Variants in HS3ST5 observed in about 807,000 individuals in gnomAD.
HS3ST5 encodes the protein heparan sulfate glucosamine 3-O-sulfotransferase 5.
In HS3ST5, 10 loss-of-function variants were observed where a neutral mutation model predicts 25.4. The observed-to-expected ratio is 0.39, with a 90% CI of 0.24 to 0.67. HS3ST5 has a LOEUF of 0.67. Ranked by LOEUF, HS3ST5 falls within the 30% of genes least tolerant of loss-of-function variation. HS3ST5 has a pLI of 0.44. For synonymous variants in HS3ST5, 170 were observed against 162.4 expected (o/e 1.05, Z -0.36); for missense variants, 324 against 420.7 (o/e 0.77, Z 2.01).
At chr6:114,270,822 AG>A (rs1773605636) in intron 1 of HS3ST5, among the ~76,000 whole-genome samples, 1 of 151,834 alleles carries the variant, frequency 6.6e-6, no homozygotes, top group Non-Finnish European at 1.5e-5. Context: ...AAAAATAAAA[AG>A]GGTTGGGATT....
intron 1 of HS3ST5, among the ~76,000 whole-genome samples, chr6:114,271,957 A>C (rs554236425): frequency 2.0e-5 from 3 of 152,158 alleles, no homozygotes; most frequent in African/African-American, 7.2e-5. Flanking sequence ...TTCTCAATAT[A>C]TTAGCAAAGC....
intron 3 of HS3ST5, among the ~76,000 whole-genome samples, chr6:114,084,002 A>T (rs946015704): frequency 3.3e-5 from 5 of 151,380 alleles, no homozygotes; most frequent in Admixed American, 6.6e-5. Context: ...TTTAATTATT[A>T]TATATTACTT....
At chr6:114,182,874 C>T (rs563705608) in intron 2 of HS3ST5, among the ~76,000 whole-genome samples, 6 of 152,218 alleles carry the variant, frequency 3.9e-5, no homozygotes, top group South Asian at 2.1e-4. Context: ...CTCAGTAAAA[C>T]GGATGGCCCT....
intron 1 of HS3ST5, among the ~76,000 whole-genome samples, chr6:114,304,536 A>C (rs1775212219): frequency 1.3e-5 from 2 of 152,150 alleles, no homozygotes; most frequent in South Asian, 4.1e-4. Context: ...GGATTTGAAT[A>C]GCTGCTTCCA....
intron 1 of HS3ST5, among the ~76,000 whole-genome samples, chr6:114,306,122 T>A (rs1260612805): frequency 3.3e-5 from 5 of 151,776 alleles, no homozygotes; most frequent in Non-Finnish European, 7.4e-5. Flanking sequence ...TAATTATGAC[T>A]ATTAAAAAAT....
At chr6:114,154,818 C>T (rs1422438907) in intron 3 of HS3ST5, among the ~76,000 whole-genome samples, 1 of 152,162 alleles carries the variant, frequency 6.6e-6, no homozygotes, top group Non-Finnish European at 1.5e-5. Flanking sequence ...CTTCCTGTGG[C>T]CTTTGTCAAA....
intron 2 of HS3ST5, among the ~76,000 whole-genome samples, chr6:114,228,061 G>T (rs550679313): frequency 6.6e-6 from 1 of 152,076 alleles, no homozygotes; most frequent in South Asian, 2.1e-4. Context: ...AAAAGCTCAG[G>T]TTTAGCATAA....
intron 2 of HS3ST5, among the ~76,000 whole-genome samples, chr6:114,218,513 T>G (rs1271612409): frequency 1.3e-5 from 2 of 152,182 alleles, no homozygotes; most frequent in Non-Finnish European, 2.9e-5. Context: ...TGTTAAAAAT[T>G]TTGCTTCTTT....
intron 1 of HS3ST5, among the ~76,000 whole-genome samples, chr6:114,293,535 G>A (rs1465570920): frequency 1.8e-4 from 27 of 152,142 alleles, no homozygotes; most frequent in Non-Finnish European, 7.3e-5. Context: ...GACTGTTGTA[G>A]TAAAATGAGT....
In HS3ST5 at chr6:114,187,113, AAGG is replaced by A. The variant is rs573319211; in HGVS notation, c.-144-18654_-144-18652del. Among the ~76,000 whole-genome samples, 4 of 152,326 alleles carry A rather than the reference AAGG, an allele frequency of 2.6e-5. No homozygotes were observed. The South Asian group carries it at 8.3e-4, about 32-fold the overall frequency. On this transcript the variant is annotated intron_variant, in intron 2 of 4. Transcript: ENST00000312719. Reference sequence around the variant, plus strand: ...CCCAAGAGTTCTGATGGTGATATACAAGGAGGTTAATCTTGTTTTCATGCCTGC... The same window carrying A: ...CCCAAGAGTTCTGATGGTGATATACAAGGTTAATCTTGTTTTCATGCCTGC...
intron 3 of HS3ST5, among the ~76,000 whole-genome samples, chr6:114,118,164 A>T (rs1776620465): frequency 6.6e-6 from 1 of 152,150 alleles, no homozygotes; most frequent in Admixed American, 6.5e-5. Context: ...GACCAGATTT[A>T]CCAGTCCTCA....
chr6:114,173,043 T>C (rs1779542506), intron 2 of HS3ST5, among the ~76,000 whole-genome samples: 1 of 152,238 alleles, frequency 6.6e-6, no homozygotes, highest in South Asian at 2.1e-4. Context: ...TGTGTTTGCT[T>C]TGGAATGTTA....
chr6:114,328,415 G>A (rs1776259649), intron 1 of HS3ST5, among the ~76,000 whole-genome samples: 1 of 151,964 alleles, frequency 6.6e-6, no homozygotes, highest in African/African-American at 2.4e-5. Context: ...CAAAAACACT[G>A]ACACACAATC....
chr6:114,295,496 T>G (rs1774778493), intron 1 of HS3ST5, among the ~76,000 whole-genome samples: 2 of 152,280 alleles, frequency 1.3e-5, no homozygotes, highest in Admixed American at 1.3e-4. Flanking sequence ...TAGGTAGAGC[T>G]TCTTCCAAAG....
At chr6:114,314,037 T>C (rs1159229952) in intron 1 of HS3ST5, among the ~76,000 whole-genome samples, 1 of 152,198 alleles carries the variant, frequency 6.6e-6, no homozygotes, top group Admixed American at 6.5e-5. Flanking sequence ...GTGATTCTCA[T>C]GCCTCAGTCT....
intron 3 of HS3ST5, among the ~76,000 whole-genome samples, chr6:114,164,420 T>A (rs1779112014): frequency 6.6e-6 from 1 of 152,168 alleles, no homozygotes; most frequent in South Asian, 2.1e-4. Context: ...CAAAGTCCAA[T>A]GTGTTATTGT....
At chr6:114,129,922 T>A (rs907311259) in intron 3 of HS3ST5, among the ~76,000 whole-genome samples, 2 of 152,182 alleles carry the variant, frequency 1.3e-5, no homozygotes, top group Admixed American at 6.5e-5. Flanking sequence ...AAGAATGTGA[T>A]ATTTTGGGAT....
chr6:114,330,195 C>A (rs1306517645), intron 1 of HS3ST5, among the ~76,000 whole-genome samples: 1 of 151,888 alleles, frequency 6.6e-6, no homozygotes, highest in Admixed American at 6.6e-5. Context: ...TAAATAGACA[C>A]CTTTAAAAAG....
At chr6:114,172,544 T>C (rs1342397361) in intron 2 of HS3ST5, among the ~76,000 whole-genome samples, 1 of 152,210 alleles carries the variant, frequency 6.6e-6, no homozygotes, top group Non-Finnish European at 1.5e-5. Flanking sequence ...TAGGTAAAAA[T>C]ACAGGCACAT....
Sources: allele counts gnomAD v4.1 joint callset (sites outside exome capture counted in the v4.1 genomes callset), GRCh38; gene constraint gnomAD v4.1.1; transcripts MANE v1.5; gene names NCBI Gene and HGNC (gene_info 2026-07-23, HGNC 2026-07-21).